The following PLXNA4 variants were observed in gnomAD, a reference collection of about 807,000 sequenced individuals.
PLXNA4 encodes the protein plexin-A4.
In PLXNA4, 44 loss-of-function variants were observed where a neutral mutation model predicts 191.8. The ratio of observed to expected loss-of-function variants is 0.23; its 90% confidence interval spans 0.18 to 0.29. The LOEUF (loss-of-function observed/expected upper bound fraction) is 0.29, where lower values mean the gene tolerates loss of function less well. Among genes scored for constraint, PLXNA4 ranks in the 10% least tolerant of loss-of-function variants. PLXNA4 has a pLI of 1.00. For synonymous variants in PLXNA4, 1,082 were observed against 1,009.5 expected, an observed-to-expected ratio of 1.07 and a Z score of -1.36; for missense variants, 1,800 against 2,488.8, an observed-to-expected ratio of 0.72 and a Z score of 5.89.
At chr7:132,302,823 C>A (rs1801358114) in intron 3 of PLXNA4, among the ~76,000 whole-genome samples, 1 of 152,086 alleles carries the variant, frequency 6.6e-6, no homozygotes, top group Non-Finnish European at 1.5e-5. Context: ...ACAGAGGCCA[C>A]CCCAACACTT....
chr7:132,615,979 G>A (rs1454732726), intron 2 of PLXNA4, among the ~76,000 whole-genome samples: 1 of 61,908 alleles, frequency 1.6e-5, no homozygotes, highest in East Asian at 2.8e-4. Flanking sequence ...CCCACCGCCT[G>A]CTTTCGCCCT....
At chr7:132,492,859 G>A (rs1039176825) in intron 2 of PLXNA4, among the ~76,000 whole-genome samples, 1 of 152,180 alleles carries the variant, frequency 6.6e-6, no homozygotes, top group African/African-American at 2.4e-5. Flanking sequence ...ATTTCATGTT[G>A]ATTTTTTGTG....
At chr7:132,456,480 G>T (rs1049113976) in intron 3 of PLXNA4, among the ~76,000 whole-genome samples, 7 of 152,150 alleles carry the variant, frequency 4.6e-5, no homozygotes, top group African/African-American at 1.7e-4. Flanking sequence ...CCTAGAAGAG[G>T]CTGGAGGTAC....
chr7:132,194,270 C>T (rs1797182798), intron 13 of PLXNA4, 91 bp from the exon 14 acceptor site: 5 of 1,483,922 alleles, frequency 3.4e-6, no homozygotes, highest in Middle Eastern at 2.3e-4. Context: ...CCTTTCTCCA[C>T]AGTAGGATCT....
At chr7:132,244,834 C>G (rs1047340184) in intron 4 of PLXNA4, among the ~76,000 whole-genome samples, 13 of 152,232 alleles carry the variant, frequency 8.5e-5, no homozygotes, top group Non-Finnish European at 1.9e-4. Context: ...CTTTTGAAAA[C>G]TGGATTTAGT....
intron 22 of PLXNA4, among the ~76,000 whole-genome samples, chr7:132,166,137 C>T (rs1796116483): frequency 6.6e-6 from 1 of 151,932 alleles, no homozygotes; most frequent in South Asian, 2.1e-4. Context: ...GTGGAGGTTG[C>T]AGTGAGCCAA....
chr7:132,315,004 G>T (rs116812710), intron 3 of PLXNA4, among the ~76,000 whole-genome samples: 2,200 of 152,304 alleles, frequency 0.014, 49 homozygotes, highest in African/African-American at 0.049. Context: ...AAAGTGTCAG[G>T]TTATTAAGGA....
chr7:132,147,311 G>A (rs535538917), intron 27 of PLXNA4, among the ~76,000 whole-genome samples: 3 of 152,152 alleles, frequency 2.0e-5, no homozygotes, highest in Non-Finnish European at 4.4e-5. Context: ...TATCTAGAAT[G>A]ATCCTGTTCA....
At chr7:132,396,537 A>T (rs1793770795) in intron 3 of PLXNA4, among the ~76,000 whole-genome samples, 1 of 152,136 alleles carries the variant, frequency 6.6e-6, no homozygotes, top group Non-Finnish European at 1.5e-5. Flanking sequence ...ATCACCAAGT[A>T]TGGAGTGCAG....
intron 25 of PLXNA4, among the ~76,000 whole-genome samples, chr7:132,148,879 T>G (rs1795511811): frequency 6.6e-6 from 1 of 152,204 alleles, no homozygotes; most frequent in East Asian, 1.9e-4. Flanking sequence ...CTAACATCAC[T>G]TATCCACCCT....
intron 3 of PLXNA4, among the ~76,000 whole-genome samples, chr7:132,393,999 T>C (rs934554903): frequency 3.3e-5 from 5 of 151,884 alleles, no homozygotes; most frequent in Non-Finnish European, 7.4e-5. Context: ...TTTTTTTTTT[T>C]TTCGTATTAA....
chr7:132,441,738 C>T (rs1298170559), intron 3 of PLXNA4, among the ~76,000 whole-genome samples: 1 of 152,086 alleles, frequency 6.6e-6, no homozygotes, highest in Non-Finnish European at 1.5e-5. Context: ...ATTTTAAAAA[C>T]CTATTCAGTC....
intron 2 of PLXNA4, among the ~76,000 whole-genome samples, chr7:132,628,502 CTT>C (rs1264940554): frequency 1.3e-5 from 2 of 152,020 alleles, no homozygotes; most frequent in East Asian, 3.9e-4. Context: ...AGTCTGGAAA[CTT>C]ATATTCTTTG....
chr7:132,159,457 TG>T lies in PLXNA4; in HGVS notation c.4660+15del, dbSNP rs774423096. On this transcript the variant is annotated intron_variant, in intron 25 of 31. Transcript: ENST00000321063. ...AGCAGCCACAAGGACAGCCCCTGGG[TG>T]GACAGCCTACTCACCCAGATCCATA... 1 of 1,613,328 alleles carries T rather than the reference TG, an allele frequency of 6.2e-7. No individual in the cohort carries two copies. The highest frequency in any genetic ancestry group is 2.2e-5 in the East Asian group (1 of 44,868).
In PLXNA4 at chr7:132,125,602, A is replaced by AGTTTT. The variant is rs553152877; in HGVS notation, c.*4872_*4876dup. The AGTTTT allele has an allele frequency of 6.6e-5, 10 of 152,110 alleles. No individual in the cohort carries two copies. The highest frequency in any genetic ancestry group is 1.3e-4 in the Admixed American group (2 of 15,270). The allele number at this position is 152,110 out of a possible 1,614,324, so 9.4% of individuals were successfully genotyped here. A position where few individuals can be genotyped will look rare whatever the true frequency, so the allele number is the denominator to read the frequency against. On this transcript the variant is annotated 3_prime_UTR_variant, in exon 32 of 32. Coordinates refer to ENST00000321063, the MANE Select transcript of PLXNA4 (RefSeq NM_020911.2). ...CCAAAATCCCAAATAAATGGCCCAC[A>AGTTTT]GTTTTGTTTTGTTTTGTTTTTTTTA... is the stretch of plus-strand genomic sequence containing the variant.
intron 21 of PLXNA4, among the ~76,000 whole-genome samples, chr7:132,170,316 T>C (rs1425102404): frequency 1.3e-5 from 2 of 152,132 alleles, no homozygotes; most frequent in African/African-American, 2.4e-5. Flanking sequence ...ATAAGGAGCT[T>C]CACAAAGCCC....
chr7:132,317,502 GTTCAGTTGGA>G (rs963537574), intron 3 of PLXNA4, among the ~76,000 whole-genome samples: 3 of 152,018 alleles, frequency 2.0e-5, no homozygotes, highest in Non-Finnish European at 4.4e-5. Context: ...GTTGTGTTGT[GTTCAGTTGGA>G]TTGAATTGGA....
intron 3 of PLXNA4, among the ~76,000 whole-genome samples, chr7:132,320,541 T>C (rs544611443): frequency 1.3e-5 from 2 of 152,358 alleles, no homozygotes; most frequent in Non-Finnish European, 2.9e-5. Context: ...TTTGGGGAGA[T>C]ACAGTTCAAC....
chr7:132,430,808 AGGAAAGTGAACAT>A lies in PLXNA4; in HGVS notation c.1371+58471_1371+58483del. 1.3e-5 allele frequency among the ~76,000 whole-genome samples: 2 copies of A among 152,320 alleles called. 1 individual carries two copies. Among genetic ancestry groups the A allele is most frequent in the South Asian group, 4.1e-4 (2 of 4,824 alleles). ...AAGATGGTTGGGTGGCAATGAGATTAGGAAAGTGAACATGGTGGCAGAGTACATAAGGACTGGA... is the reference window on the plus strand; with the variant it reads ...AAGATGGTTGGGTGGCAATGAGATTAGGTGGCAGAGTACATAAGGACTGGA... On this transcript the variant is annotated intron_variant, in intron 3 of 31. Transcript: ENST00000321063.
Sources: gnomAD v4.1 joint callset for allele counts (sites outside exome capture counted in the v4.1 genomes callset) on GRCh38, gnomAD v4.1.1 for gene constraint, MANE v1.5 for transcripts, NCBI Gene and HGNC (gene_info 2026-07-23, HGNC 2026-07-21) for gene names.